The following DGLUCY variants were observed in gnomAD, a reference collection of about 807,000 sequenced individuals.
DGLUCY encodes the protein D-glutamate cyclase, mitochondrial.
A neutral mutation model predicts 58.5 loss-of-function variants in DGLUCY; 58 were observed. The ratio of observed to expected loss-of-function variants is 0.99; its 90% CI spans 0.80 to 1.23. DGLUCY has a LOEUF of 1.23. Among genes scored for constraint, DGLUCY ranks in the 50% most tolerant of loss-of-function variants. DGLUCY has a pLI of 0.00. For synonymous variants in DGLUCY, 325 were observed against 314.1 expected (o/e 1.03, Z -0.37); for missense variants, 779 against 784.7 (o/e 0.99, Z 0.09).
At chr14:91,108,194 A>T (rs990237456) in intron 1 of DGLUCY, 3 of 152,328 alleles carry the variant, frequency 2.0e-5, no homozygotes, top group Admixed American at 6.6e-5. Context: ...TCAGTGAGGA[A>T]GCAATAGGGC....
In DGLUCY at chr14:91,173,374, G is replaced by A. The variant is rs764887978; in HGVS notation, c.542G>A (p.Gly181Glu). 2.4e-5 allele frequency: 39 copies of A among 1,613,176 alleles called. No individual in the cohort carries two copies. Among genetic ancestry groups the A allele is most frequent in the Non-Finnish European group, 3.2e-5 (38 of 1,179,844 alleles). ...MRPIPKDKLE[G>E]LVRACCSLGG... The stretch of plus-strand genomic sequence containing the variant: ...CCCATTCCCAAGGACAAGCTGGAAG[G>A]GCTGGTGCGGGCCTGCTGCTCCCTC... The change falls in exon 6 of 14, where the codon GGG becomes GAG. Residue 181 changes from glycine to glutamate, a missense_variant. Physicochemically the swap from Gly to Glu is moderately conservative, Grantham distance 98. Transcript: ENST00000256324.
chr14:91,145,318 C>T (rs940219886), intron 1 of DGLUCY: 2 of 152,248 alleles, frequency 1.3e-5, no homozygotes, highest in African/African-American at 4.8e-5. Flanking sequence ...AAGCAGGTAA[C>T]CACATTGGGG....
intron 1 of DGLUCY, among the ~76,000 whole-genome samples, chr14:91,133,706 G>A (rs2046167033): frequency 6.6e-6 from 1 of 152,004 alleles, no homozygotes; most frequent in South Asian, 2.1e-4. Flanking sequence ...AATTTTCTGA[G>A]GAACAGCCAT....
At chr14:91,077,265 AAGAGAG>A (rs148848700) in intron 1 of DGLUCY, among the ~76,000 whole-genome samples, 5 of 147,386 alleles carry the variant, frequency 3.4e-5, no homozygotes, top group Non-Finnish European at 6.0e-5. Flanking sequence ...GAGAGAGAGA[AAGAGAG>A]AGAGAGAGAG....
chr14:91,065,031 C>G (rs900368031), intron 1 of DGLUCY, among the ~76,000 whole-genome samples: 4 of 152,036 alleles, frequency 2.6e-5, no homozygotes, highest in African/African-American at 9.7e-5. Flanking sequence ...ACTTAGTAAA[C>G]TTAGTAAAGC....
At chr14:91,172,767 C>T (rs1195487842) in intron 5 of DGLUCY, among the ~76,000 whole-genome samples, 1 of 152,078 alleles carries the variant, frequency 6.6e-6, no homozygotes, top group Non-Finnish European at 1.5e-5. Flanking sequence ...CTGCCTCAGC[C>T]TCCCGAGTAG....
chr14:91,222,969 C>A (rs912968042), intron 13 of DGLUCY, among the ~76,000 whole-genome samples: 1 of 152,232 alleles, frequency 6.6e-6, no homozygotes, highest in African/African-American at 2.4e-5. Flanking sequence ...GCTCTGGTTT[C>A]TCTTTTTCTT....
rs568824846 is a variant in DGLUCY, at chr14:91,213,255, T to G, written c.1565-2150T>G. ...TTCAGGGCCAGCCTGGCCAACGCAG[T>G]AAAACTCCATCTCTACTAAAAATAC... is the stretch of plus-strand genomic sequence containing the variant. On this transcript the variant is annotated intron_variant, in intron 12 of 13. Transcript: ENST00000256324. 9.9e-5 allele frequency among the ~76,000 whole-genome samples: 15 copies of G among 152,202 alleles called. No individual in the cohort carries two copies. The South Asian group carries it at 3.1e-3, about 32-fold the overall frequency.
intron 8 of DGLUCY, among the ~76,000 whole-genome samples, chr14:91,185,271 ATTTTTTTTTTTT>A (rs35639010): frequency 2.1e-4 from 8 of 38,380 alleles, no homozygotes; most frequent in South Asian, 1.5e-3. Context: ...GCCCAGCCGG[ATTTTTTTTTTTT>A]TTTTTTTTTT....
At chr14:91,182,976 T>C (rs182178553) in intron 8 of DGLUCY, among the ~76,000 whole-genome samples, 1 of 150,878 alleles carries the variant, frequency 6.6e-6, no homozygotes, top group African/African-American at 2.4e-5. Flanking sequence ...TTTATTTTAG[T>C]TTAGTTTATT....
chr14:91,062,648 A>G lies in DGLUCY; in HGVS notation c.-82+1944A>G, dbSNP rs147319791. 2.3e-4 allele frequency among the ~76,000 whole-genome samples: 32 copies of G among 141,876 alleles called. No individual in the cohort carries two copies. In the East Asian group the frequency reaches 3.4e-3, roughly 15 times the overall value. 93.1% of individuals were successfully genotyped at this position (141,876 alleles called of 152,430 possible). ...GCTCAAGGGCAGTTAAAAAACAGGCAATGAGCCAGATTTGGCCTACAGGCC... is the reference window on the plus strand; with the variant it reads ...GCTCAAGGGCAGTTAAAAAACAGGCGATGAGCCAGATTTGGCCTACAGGCC... On this transcript the variant is annotated intron_variant, in intron 1 of 4. Coordinates refer to the DGLUCY transcript ENST00000521334.
intron 1 of DGLUCY, among the ~76,000 whole-genome samples, chr14:91,096,476 G>A (rs1224232900): frequency 3.3e-5 from 5 of 152,070 alleles, no homozygotes; most frequent in African/African-American, 1.2e-4. Context: ...TGAAAATTGG[G>A]GAGTGCGACC....
intron 13 of DGLUCY, among the ~76,000 whole-genome samples, chr14:91,222,473 C>T (rs574896522): frequency 2.6e-5 from 4 of 152,152 alleles, no homozygotes; most frequent in South Asian, 2.1e-4. Context: ...AAACAAAGGG[C>T]GGGAAATGCC....
chr14:91,147,282 G>A (rs1346458845), intron 1 of DGLUCY, among the ~76,000 whole-genome samples: 1 of 152,158 alleles, frequency 6.6e-6, no homozygotes, highest in Non-Finnish European at 1.5e-5. Context: ...AATTTGTGGG[G>A]CAGGAGCTGA....
intron 1 of DGLUCY, among the ~76,000 whole-genome samples, chr14:91,076,473 A>AAGGTTT (rs995209955): frequency 1.3e-5 from 2 of 152,018 alleles, no homozygotes; most frequent in African/African-American, 2.4e-5. Flanking sequence ...AATCTTTTCC[A>AAGGTTT]TCCAAGGTTG....
chr14:91,147,683 C>A (rs2140285027), intron 1 of DGLUCY: 1 of 152,318 alleles, frequency 6.6e-6, no homozygotes, highest in Middle Eastern at 3.4e-3. Context: ...ATGAGAGGAT[C>A]AAGTTGAAAG....
intron 7 of DGLUCY, among the ~76,000 whole-genome samples, chr14:91,179,886 CTTTT>C (rs35580984): frequency 1.3e-5 from 1 of 75,982 alleles, no homozygotes; most frequent in Non-Finnish European, 2.4e-5. Context: ...ATGCTAAACA[CTTTT>C]TTTTTTTTTT....
chr14:91,082,894 C>A (rs1451912672), intron 1 of DGLUCY, among the ~76,000 whole-genome samples: 1 of 152,142 alleles, frequency 6.6e-6, no homozygotes, highest in Non-Finnish European at 1.5e-5. Context: ...GCTGGGATTA[C>A]AGTCATGCGC....
At chr14:91,160,165 A>T in intron 2 of DGLUCY, 101 bp from the exon 3 acceptor site, 5 of 766,330 alleles carry the variant, frequency 6.5e-6, no homozygotes, top group Non-Finnish European at 1.1e-5. Context: ...GGGCCAGGAA[A>T]GGGTAGGATG....
Sources: gnomAD v4.1 joint callset for allele counts (sites outside exome capture counted in the v4.1 genomes callset) on GRCh38, gnomAD v4.1.1 for gene constraint, MANE v1.5 for transcripts, NCBI Gene and HGNC (gene_info 2026-07-23, HGNC 2026-07-21) for gene names.